The following GAB3 variants were observed in gnomAD, a reference collection of about 807,000 sequenced individuals.
The protein encoded by GAB3 is GRB2-associated-binding protein 3.
A neutral mutation model predicts 40.4 loss-of-function variants in GAB3; 12 were observed. The observed-to-expected ratio is 0.30, with a 90% CI of 0.19 to 0.48. GAB3 has a LOEUF of 0.48. Ranked by LOEUF, GAB3 falls within the 20% of genes least tolerant of loss-of-function variation. The probability of loss-of-function intolerance (pLI) is 0.99; values close to 1 mark genes in which losing one functional copy is unlikely to be tolerated. For synonymous variants in GAB3, 154 were observed against 176.7 expected (o/e 0.87, Z 1.02); for missense variants, 381 against 461.9 (o/e 0.82, Z 1.61).
chrX:154,712,580 A>T lies in GAB3; in HGVS notation c.718T>A (p.Cys240Ser). ...ACCTCCTGAGCTCCACTGCCATGGCATGAGGGGTGGACCAAATGACTGGAG... is the reference window on the plus strand; with the variant it reads ...ACCTCCTGAGCTCCACTGCCATGGCTTGAGGGGTGGACCAAATGACTGGAG... ...LPSSHLVHPS[C>S]HGSGAQEVPS... The change falls in exon 4 of 10, where the codon TGC becomes AGC. Residue 240 changes from cysteine to serine, a missense_variant. Around this residue, in one of 2 missense-constraint regions of GAB3, gnomAD observed 364 missense variants for 421.0 expected, o/e 0.86. Coordinates refer to ENST00000424127, the MANE Select transcript of GAB3 (RefSeq NM_001081573.3). 8.6e-7 allele frequency: 1 copy of T among 1,160,150 alleles called. No individual in the cohort carries two copies. The highest frequency in any genetic ancestry group is 1.1e-6 in the Non-Finnish European group (1 of 871,230).
At position 154,676,265 on chromosome X, in the gene GAB3, T is replaced by A. The variant is rs1172904206; in HGVS notation, c.*1913A>T. 8.9e-6 allele frequency: 1 copy of A among 111,916 alleles called. No homozygotes were observed. Among genetic ancestry groups the A allele is most frequent in the African/African-American group, 3.3e-5 (1 of 30,749 alleles). The allele number at this position is 111,916 out of a possible 1,213,427, so 9.2% of individuals were successfully genotyped here. A position where few individuals can be genotyped will look rare whatever the true frequency, so the allele number is the denominator to read the frequency against. On this transcript the variant is annotated 3_prime_UTR_variant, in exon 10 of 10. Transcript: ENST00000424127. ...TGGTTCTTGACACTTGGGCCTACAA[T>A]TTTTTTTCTGCACCAGCCTTTGTCA...
intron 7 of GAB3, among the ~76,000 whole-genome samples, chrX:154,696,766 G>A (rs2070664546): frequency 8.9e-6 from 1 of 112,405 alleles, no homozygotes; most frequent in African/African-American, 3.2e-5. Context: ...CCCATCTGTT[G>A]GTACTGGAGT....
rs147290916 is a variant in GAB3 at position 154,716,149 on chromosome X, C to T, written c.253G>A (p.Val85Met). Residue 85 changes from valine (V) to methionine (M), a missense_variant, in exon 2 of 10, where the codon GTG becomes ATG. By Grantham distance (21) the Val-to-Met change is conservative. This residue lies in a region of GAB3 where 364 missense variants were observed against 421.0 expected (regional missense o/e 0.86). Transcript: ENST00000424127. ...CGGGAAGTAGTCTTGACAATGAACA[C>T]GAAATTATTCTGAAATTCCTTCCGA... ...FVRKEFQNNF[V>M]FIVKTTSRTF... 120 of 1,211,120 alleles carry T rather than the reference C, an allele frequency of 9.9e-5. No homozygotes were observed. In the African/African-American group the frequency reaches 1.4e-3, roughly 14 times the overall value.
intron 1 of GAB3, among the ~76,000 whole-genome samples, chrX:154,740,495 C>G (rs1165210584): frequency 8.9e-6 from 1 of 111,936 alleles, no homozygotes; most frequent in Non-Finnish European, 1.9e-5. Flanking sequence ...CCCACTATGA[C>G]GAGAAAAGCT....
intron 4 of GAB3, among the ~76,000 whole-genome samples, chrX:154,709,345 A>G (rs1488357537): frequency 5.7e-5 from 6 of 105,372 alleles, no homozygotes; most frequent in Non-Finnish European, 1.2e-4. Context: ...TTTTGAGACG[A>G]AGTCTTGCTC....
intron 6 of GAB3, among the ~76,000 whole-genome samples, chrX:154,698,251 C>G (rs1557251269): frequency 9.0e-6 from 1 of 111,668 alleles, no homozygotes; most frequent in East Asian, 2.8e-4. Context: ...GGTCTGTTCT[C>G]CTATTTAGCA....
chrX:154,707,157 C>T (rs1211038106), intron 4 of GAB3, among the ~76,000 whole-genome samples: 2 of 111,164 alleles, frequency 1.8e-5, no homozygotes, highest in Non-Finnish European at 3.8e-5. Flanking sequence ...GACAATCTCC[C>T]TCATGAACAC....
intron 1 of GAB3, among the ~76,000 whole-genome samples, chrX:154,721,400 C>G (rs1557258662): frequency 8.9e-6 from 1 of 112,420 alleles, no homozygotes; most frequent in African/African-American, 3.2e-5. Flanking sequence ...CTTGCTGTGT[C>G]ACCCCATAGC....
rs781900195 is a variant in GAB3 at position 154,678,250 on chromosome X, C to T, written c.1692G>A (p.Val564=). Residue 564 remains valine (V), a synonymous_variant, in exon 10 of 10, where the codon GTG becomes GTA. Transcript: ENST00000424127. The part of the protein sequence containing the change: ...SEEQRVDYVQ[V]DEQKTQALQS... ...GGAGAGCCTGTGTCTTCTGCTCATC[C>T]ACTTGGACATAGTCTACTCTTTGTT... The T allele has an allele frequency of 1.7e-6, 2 of 1,199,050 alleles. No individual in the cohort carries two copies. Among genetic ancestry groups the T allele is most frequent in the Non-Finnish European group, 2.3e-6 (2 of 884,921 alleles).
At chrX:154,682,633 G>T (rs1030005062) in intron 8 of GAB3, among the ~76,000 whole-genome samples, 2 of 111,686 alleles carry the variant, frequency 1.8e-5, no homozygotes, top group Non-Finnish European at 3.8e-5. Flanking sequence ...CCTGGTTTAT[G>T]GTTGTAATAG....
At chrX:154,738,195 C>T (rs2148486496) in intron 1 of GAB3, among the ~76,000 whole-genome samples, 1 of 111,712 alleles carries the variant, frequency 9.0e-6, no homozygotes, top group East Asian at 2.8e-4. Flanking sequence ...GGCGTGGCTG[C>T]CAGAACAAAG....
chrX:154,699,576 C>T (rs974319180), intron 5 of GAB3, 63 bp from the exon 6 acceptor site: 18 of 965,959 alleles, frequency 1.9e-5, no homozygotes, highest in Admixed American at 7.8e-5. Flanking sequence ...TATCAGAGGG[C>T]GGCCAAAGCT....
chrX:154,679,125 C>T (rs1353062839), intron 9 of GAB3: 7 of 334,446 alleles, frequency 2.1e-5, no homozygotes, highest in African/African-American at 1.6e-4. Flanking sequence ...CCACTGCACT[C>T]CAGCCTGAGT....
chrX:154,719,653 T>C (rs918685913), intron 1 of GAB3, among the ~76,000 whole-genome samples: 3 of 112,269 alleles, frequency 2.7e-5, no homozygotes, highest in Admixed American at 1.9e-4. Context: ...CAGTGTGTCA[T>C]CCCTTAGGTT....
intron 1 of GAB3, among the ~76,000 whole-genome samples, chrX:154,720,421 T>G (rs1569557902): frequency 9.0e-6 from 1 of 110,713 alleles, no homozygotes; most frequent in Non-Finnish European, 1.9e-5. Flanking sequence ...CGTCAGGAGA[T>G]CGAGACCATC....
chrX:154,709,716 G>A (rs1557255129), intron 4 of GAB3, among the ~76,000 whole-genome samples: 1 of 110,930 alleles, frequency 9.0e-6, no homozygotes, highest in Non-Finnish European at 1.9e-5. Context: ...GGATATAATG[G>A]ATATAAAAAA....
chrX:154,700,977 AT>A (rs1944215142), intron 4 of GAB3, among the ~76,000 whole-genome samples: 1 of 111,743 alleles, frequency 8.9e-6, no homozygotes, highest in Non-Finnish European at 1.9e-5. Context: ...CATATATATT[AT>A]ATATACATAT....
chrX:154,731,798 A>T (rs1233020332), intron 1 of GAB3, among the ~76,000 whole-genome samples: 1 of 112,027 alleles, frequency 8.9e-6, no homozygotes, highest in Admixed American at 9.4e-5. Context: ...TGCAATAGCA[A>T]TATTAATAGC....
At chrX:154,699,184 C>T (rs1377584358) in intron 6 of GAB3, 110 bp downstream of exon 6, 33 of 610,083 alleles carry the variant, frequency 5.4e-5, no homozygotes, top group South Asian at 1.6e-4. Flanking sequence ...TTACACTTTC[C>T]GGCCCTCTGG....
Sources: gnomAD v4.1 joint callset for allele counts (sites outside exome capture counted in the v4.1 genomes callset) on GRCh38, gnomAD v4.1.1 for gene constraint, gnomAD v4.1.1 regional missense constraint, MANE v1.5 for transcripts, NCBI Gene and HGNC (gene_info 2026-07-23, HGNC 2026-07-21) for gene names.